SERPINI2: variants seen among roughly 807,000 people sequenced by gnomAD.
SERPINI2 encodes the protein serpin family I member 2.
A neutral mutation model predicts 47.3 loss-of-function variants in SERPINI2; 48 were observed. The ratio of observed to expected loss-of-function variants is 1.02; its 90% CI spans 0.81 to 1.29. The LOEUF (loss-of-function observed/expected upper bound fraction) is 1.29. Among genes scored for constraint, SERPINI2 ranks in the 50% most tolerant of loss-of-function variants. The pLI is 0.00. For missense variants in SERPINI2, 448 were observed against 456.9 expected (o/e 0.98, Z 0.18); for synonymous variants, 135 against 149.3 (o/e 0.90, Z 0.70).
intron 5 of SERPINI2, among the ~76,000 whole-genome samples, chr3:167,457,486 C>G (rs146188480): frequency 2.6e-5 from 4 of 152,330 alleles, no homozygotes; most frequent in Admixed American, 1.3e-4. Flanking sequence ...CAGTTCCTTA[C>G]TATTCCCAGT....
At chr3:167,448,898 G>C in intron 7 of SERPINI2, among the ~76,000 whole-genome samples, 1 of 152,222 alleles carries the variant, frequency 6.6e-6, no homozygotes, top group South Asian at 2.1e-4. Flanking sequence ...CTGCCACAGA[G>C]ATAATAACAA....
chr3:167,467,756 A>G (rs1247904868), intron 2 of SERPINI2, among the ~76,000 whole-genome samples: 2 of 152,162 alleles, frequency 1.3e-5, no homozygotes, highest in Non-Finnish European at 2.9e-5. Flanking sequence ...TTCTCTTATA[A>G]GCAACTGCAC....
At chr3:167,465,951 C>T (rs891391367) in intron 3 of SERPINI2, among the ~76,000 whole-genome samples, 30 of 152,070 alleles carry the variant, frequency 2.0e-4, no homozygotes, top group African/African-American at 7.0e-4. Flanking sequence ...CATTTGTAAC[C>T]ATTGTATGTC....
exon 3 of SERPINI2, chr3:167,467,100 C>G: frequency 1.2e-6 from 2 of 1,613,402 alleles, no homozygotes; most frequent in Non-Finnish European, 1.7e-6. Flanking sequence ...TCTGCACAAG[C>G]CTTTGCATCT....
intron 5 of SERPINI2, among the ~76,000 whole-genome samples, chr3:167,454,754 A>G (rs1749738373): frequency 6.6e-6 from 1 of 152,246 alleles, no homozygotes; most frequent in South Asian, 2.1e-4. Flanking sequence ...TAATGAATGT[A>G]TAATCTACAG....
At position 167,471,542 on chromosome 3, in the gene SERPINI2, C is replaced by T. The variant is rs767102826; in HGVS notation, c.247+46G>A. 50 of 1,471,524 alleles carry T rather than the reference C, an allele frequency of 3.4e-5. 2 individuals carry two copies. The South Asian group carries it at 3.7e-4, about 11-fold the overall frequency. The allele number at this position is 1,471,524 out of a possible 1,614,324, so 91.2% of individuals were successfully genotyped here. Reference sequence around the variant, plus strand: ...AACTTCTAATATTAAAAAATGAATGCGTCCATATCTTATCCAGTATAAGTA... The same window carrying T: ...AACTTCTAATATTAAAAAATGAATGTGTCCATATCTTATCCAGTATAAGTA... On this transcript the variant is annotated intron_variant, in intron 2 of 8. Coordinates refer to ENST00000264677, the Ensembl canonical transcript of SERPINI2.
chr3:167,442,208 A>T (rs772321495), intron 8 of SERPINI2, 23 bp from the exon 9 acceptor site: 3 of 1,532,866 alleles, frequency 2.0e-6, no homozygotes, highest in Admixed American at 2.0e-5. Flanking sequence ...AAACAAAAAA[A>T]TATACTTTAG....
chr3:167,455,593 C>CAG (rs1749764556), intron 5 of SERPINI2, among the ~76,000 whole-genome samples: 1 of 123,242 alleles, frequency 8.1e-6, no homozygotes, highest in African/African-American at 2.9e-5. Context: ...ATACGAGTCT[C>CAG]AAAAAAAAAA....
At chr3:167,448,182 T>C (rs1749532364) in intron 7 of SERPINI2, among the ~76,000 whole-genome samples, 1 of 152,218 alleles carries the variant, frequency 6.6e-6, no homozygotes, top group Admixed American at 6.5e-5. Flanking sequence ...AAAATGTCAT[T>C]TGTTCAAGGA....
At chr3:167,444,342 T>C (rs1321406440) in intron 8 of SERPINI2, among the ~76,000 whole-genome samples, 1 of 152,148 alleles carries the variant, frequency 6.6e-6, no homozygotes, top group African/African-American at 2.4e-5. Flanking sequence ...ATTCATCTGA[T>C]AGGAAAATCC....
At chr3:167,469,746 A>G (rs1297018872) in intron 2 of SERPINI2, among the ~76,000 whole-genome samples, 1 of 152,146 alleles carries the variant, frequency 6.6e-6, no homozygotes, top group Non-Finnish European at 1.5e-5. Context: ...GGACACTGAG[A>G]GCCTTACATA....
At chr3:167,468,137 T>A (rs1288094160) in intron 2 of SERPINI2, among the ~76,000 whole-genome samples, 1 of 152,220 alleles carries the variant, frequency 6.6e-6, no homozygotes, top group Non-Finnish European at 1.5e-5. Flanking sequence ...TCATTAAGTC[T>A]TGTAACTCTA....
intron 5 of SERPINI2, among the ~76,000 whole-genome samples, chr3:167,463,314 A>G (rs1302782459): frequency 1.3e-5 from 2 of 152,220 alleles, no homozygotes; most frequent in African/African-American, 4.8e-5. Flanking sequence ...ATTCTTTGAA[A>G]AAAAGAATAA....
chr3:167,471,225 T>C (rs772548803), intron 2 of SERPINI2, among the ~76,000 whole-genome samples: 2 of 152,044 alleles, frequency 1.3e-5, no homozygotes, highest in African/African-American at 2.4e-5. Flanking sequence ...ATAGTGATAG[T>C]GGAAGAATAT....
chr3:167,451,522 T>G (rs11915171), intron 6 of SERPINI2, among the ~76,000 whole-genome samples: 13,701 of 152,252 alleles, frequency 0.09, 642 homozygotes, highest in Non-Finnish European at 0.11. Context: ...GACTATTCTA[T>G]TCTAGGCAAT....
At chr3:167,463,136 ATTTTT>A (rs772778570) in intron 5 of SERPINI2, among the ~76,000 whole-genome samples, 5 of 146,632 alleles carry the variant, frequency 3.4e-5, no homozygotes, top group African/African-American at 1.2e-4. Flanking sequence ...AAACTCAGTA[ATTTTT>A]TTTTTTTGTC....
At chr3:167,470,295 G>A (rs569839211) in intron 2 of SERPINI2, among the ~76,000 whole-genome samples, 1 of 152,106 alleles carries the variant, frequency 6.6e-6, no homozygotes, top group African/African-American at 2.4e-5. Flanking sequence ...TATTACCAAC[G>A]TCTTTTCTGT....
rs1294479900 is a variant in SERPINI2 at position 167,442,098 on chromosome 3, G to A, written c.*11C>T. 3 of 1,580,292 alleles carry A rather than the reference G, an allele frequency of 1.9e-6. No homozygotes were observed. In the Admixed American group the frequency reaches 5.6e-5, roughly 29 times the overall value. On this transcript the variant is annotated 3_prime_UTR_variant, in exon 9 of 9. Coordinates refer to ENST00000264677, the Ensembl canonical transcript of SERPINI2. Reference sequence around the variant, plus strand: ...AGAAATCATCTTTTATTCTGAGGCTGTGCTTTTCATTCACAGTGAATCTAA... The same window carrying A: ...AGAAATCATCTTTTATTCTGAGGCTATGCTTTTCATTCACAGTGAATCTAA...
chr3:167,461,052 A>G (rs1449160628), intron 5 of SERPINI2, among the ~76,000 whole-genome samples: 4 of 152,142 alleles, frequency 2.6e-5, no homozygotes, highest in African/African-American at 9.7e-5. Flanking sequence ...ATAGATAAGG[A>G]TTGGTTCACT....
Sources: gnomAD v4.1 joint callset for allele counts (sites outside exome capture counted in the v4.1 genomes callset) on GRCh38, gnomAD v4.1.1 for gene constraint, MANE v1.5 for transcripts, NCBI Gene and HGNC (gene_info 2026-07-23, HGNC 2026-07-21) for gene names.